HSD17B11: variants seen among roughly 807,000 people sequenced by gnomAD.
HSD17B11 encodes the protein hydroxysteroid 17-beta dehydrogenase 11.
In HSD17B11, 22 loss-of-function variants were observed where a neutral mutation model predicts 27.8. The observed-to-expected ratio is 0.79, with a 90% CI of 0.56 to 1.13. HSD17B11 has a LOEUF of 1.13. Among genes scored for constraint, HSD17B11 ranks in the 50% most tolerant of loss-of-function variants. The pLI is 0.00. For missense variants in HSD17B11, 314 were observed against 351.1 expected (o/e 0.89, Z 0.84); for synonymous variants, 117 against 132.8 (o/e 0.88, Z 0.82).
chr4:87,377,890 T>C (rs1735867143), intron 2 of HSD17B11, among the ~76,000 whole-genome samples: 1 of 152,238 alleles, frequency 6.6e-6, no homozygotes, highest in Non-Finnish European at 1.5e-5. Flanking sequence ...TTTTTCTTAT[T>C]GAATTCTCAC....
chr4:87,344,116 T>C (rs556102273), intron 5 of HSD17B11, among the ~76,000 whole-genome samples: 48 of 152,334 alleles, frequency 3.2e-4, no homozygotes, highest in African/African-American at 1.1e-3. Context: ...AATGTATATA[T>C]ACAAGCACTT....
rs57139706 is a variant in HSD17B11 at position 87,357,949 on chromosome 4, A to ATTTTTTTTTTTTTTTTTTT, written c.558-552_558-534dup. Among the ~76,000 whole-genome samples, 24 of 80,238 alleles carry ATTTTTTTTTTTTTTTTTTT rather than the reference A, an allele frequency of 3.0e-4. 1 individual carries two copies. Among genetic ancestry groups the ATTTTTTTTTTTTTTTTTTT allele is most frequent in the South Asian group, 5.3e-4 (1 of 1,904 alleles). 52.6% of individuals were successfully genotyped at this position (80,238 alleles called of 152,430 possible). On this transcript the variant is annotated intron_variant, in intron 4 of 6. Transcript: ENST00000358290. Reference sequence around the variant, plus strand: ...TTGTAACTGAACATTCATTAGAGAAATTTTTTTTTTTTTTTTTTTTTTTTT... The same window carrying ATTTTTTTTTTTTTTTTTTT: ...TTGTAACTGAACATTCATTAGAGAAATTTTTTTTTTTTTTTTTTTTTTTTTTTTTTTTTTTTTTTTTTTT...
Position 87,340,526 on chromosome 4 carries a change from A to G in HSD17B11, c.776T>C (p.Ile259Thr), listed in dbSNP as rs748501822. 3 of 1,610,320 alleles carry G rather than the reference A, an allele frequency of 1.9e-6. No homozygotes were observed. In the South Asian group the frequency reaches 3.3e-5, roughly 18 times the overall value. Residue 259 changes from isoleucine to threonine, a missense_variant, in exon 6 of 7, where the codon ATT (isoleucine) becomes ACT (threonine). Coordinates refer to ENST00000358290, the MANE Select transcript of HSD17B11 (RefSeq NM_016245.5). ...TGTTAAAAAAGCTATAGAAGATGGA[A>G]TAAAAATCATCTTCTGCTCAGTCAG... is the stretch of plus-strand genomic sequence containing the variant. ...GILTEQKMIF[I>T]PSSIAFLTTL...
intron 5 of HSD17B11, among the ~76,000 whole-genome samples, chr4:87,342,642 A>G (rs1336021303): frequency 6.6e-6 from 1 of 152,204 alleles, no homozygotes; most frequent in Non-Finnish European, 1.5e-5. Context: ...AACTGGGACA[A>G]TTGAGAAGTA....
chr4:87,370,756 T>TTATTATTATTTTA (rs752900390), intron 4 of HSD17B11, among the ~76,000 whole-genome samples: 9 of 17,802 alleles, frequency 5.1e-4, no homozygotes, highest in South Asian at 3.5e-3. Context: ...ATTATTATTA[T>TTATTATTATTTTA]TTTTTTTTTT....
intron 1 of HSD17B11, among the ~76,000 whole-genome samples, chr4:87,387,602 G>A (rs544191369): frequency 2.0e-5 from 3 of 152,014 alleles, no homozygotes; most frequent in Non-Finnish European, 4.4e-5. Flanking sequence ...TCTATAAAAC[G>A]GCAAGAAAAA....
chr4:87,390,194 C>T (rs1720422924), intron 1 of HSD17B11, among the ~76,000 whole-genome samples: 1 of 152,322 alleles, frequency 6.6e-6, no homozygotes, highest in Non-Finnish European at 1.5e-5. Context: ...CTAGCTCTGT[C>T]GCCCAGGCTG....
intron 1 of HSD17B11, among the ~76,000 whole-genome samples, chr4:87,383,698 TTTGTTG>T (rs1053179860): frequency 6.6e-6 from 1 of 151,860 alleles, no homozygotes; most frequent in Non-Finnish European, 1.5e-5. Context: ...ATTGGGGTTT[TTTGTTG>T]TTGTTGTTAT....
intron 5 of HSD17B11, among the ~76,000 whole-genome samples, chr4:87,342,582 G>A (rs1735190517): frequency 6.6e-6 from 1 of 151,824 alleles, no homozygotes; most frequent in African/African-American, 2.4e-5. Flanking sequence ...AAATTCTTTA[G>A]AAATAAATAA....
In HSD17B11 at chr4:87,381,692, G is replaced by C. The variant is rs567214102; in HGVS notation, c.318+563C>G. Among the ~76,000 whole-genome samples, 10 of 151,050 alleles carry C rather than the reference G, an allele frequency of 6.6e-5. No individual in the cohort carries two copies. In the East Asian group the frequency reaches 2.0e-3, roughly 29 times the overall value. On this transcript the variant is annotated intron_variant, in intron 2 of 6. Transcript: ENST00000358290. ...GAGGATTGCTTGATTCTGGGAGGTG[G>C]AGGTTGCAATGAATCGAGATCATGC...
chr4:87,346,793 C>A (rs1312276669), intron 5 of HSD17B11, among the ~76,000 whole-genome samples: 1 of 151,884 alleles, frequency 6.6e-6, no homozygotes, highest in African/African-American at 2.4e-5. Context: ...TGTGGCAGCT[C>A]ACGCCTATAG....
rs966872382 is a variant in HSD17B11, at chr4:87,372,910, T to C, written c.451-95A>G. ...TGAAACAAAAGTATATTTTTTAACA[T>C]TAATCCTGTCATAAATGAAAAAAAC... On this transcript the variant is annotated intron_variant, in intron 3 of 6. Transcript: ENST00000358290. 6 of 746,582 alleles carry C rather than the reference T, an allele frequency of 8.0e-6. No homozygotes were observed. The Middle Eastern group carries it at 1.4e-3, about 170-fold the overall frequency. The allele number at this position is 746,582 out of a possible 1,614,324, so 46.2% of individuals were successfully genotyped here.
chr4:87,376,776 TATAAAC>T (rs963521614), intron 2 of HSD17B11, among the ~76,000 whole-genome samples: 5 of 152,038 alleles, frequency 3.3e-5, no homozygotes, highest in African/African-American at 1.2e-4. Flanking sequence ...GTTGAGGAAA[TATAAAC>T]AAAAGAACAA....
intron 4 of HSD17B11, among the ~76,000 whole-genome samples, chr4:87,372,199 C>T (rs569928569): frequency 2.1e-3 from 309 of 144,810 alleles, no homozygotes; most frequent in African/African-American, 7.5e-3. Flanking sequence ...GCCGAGATTG[C>T]GCCACTGCAC....
chr4:87,339,071 T>C (rs1735114560), intron 6 of HSD17B11, among the ~76,000 whole-genome samples: 1 of 152,206 alleles, frequency 6.6e-6, no homozygotes, highest in Non-Finnish European at 1.5e-5. Flanking sequence ...CAACAAACAT[T>C]TTGGTGCCTC....
intron 3 of HSD17B11, among the ~76,000 whole-genome samples, chr4:87,373,494 G>A (rs779779673): frequency 2.4e-4 from 36 of 152,066 alleles, no homozygotes; most frequent in Admixed American, 9.8e-4. Context: ...AGGATCACTC[G>A]AACCCAGGAG....
chr4:87,368,604 A>T (rs1240851354), intron 4 of HSD17B11, among the ~76,000 whole-genome samples: 1 of 152,212 alleles, frequency 6.6e-6, no homozygotes, highest in Non-Finnish European at 1.5e-5. Context: ...AATGAGGCTG[A>T]AACCTACCGG....
At chr4:87,384,812 T>C (rs1012028577) in intron 1 of HSD17B11, among the ~76,000 whole-genome samples, 6 of 148,198 alleles carry the variant, frequency 4.0e-5, no homozygotes, top group Non-Finnish European at 8.8e-5. Flanking sequence ...TATCAGTAGT[T>C]CTGCTTTTTG....
intron 2 of HSD17B11, among the ~76,000 whole-genome samples, chr4:87,380,463 A>C (rs1235167320): frequency 8.3e-6 from 1 of 119,822 alleles, no homozygotes. Flanking sequence ...ACAGAGCAAG[A>C]CTGTCTCAAA....
Sources: allele counts gnomAD v4.1 joint callset (sites outside exome capture counted in the v4.1 genomes callset), GRCh38; gene constraint gnomAD v4.1.1; transcripts MANE v1.5; gene names NCBI Gene and HGNC (gene_info 2026-07-23, HGNC 2026-07-21).